DNM1: variants seen among roughly 807,000 people sequenced by gnomAD.
The protein encoded by DNM1 is dynamin-1.
Under a neutral mutation model 104.6 loss-of-function variants are expected in DNM1, and 29 were observed. The ratio of observed to expected loss-of-function variants is 0.28; its 90% CI spans 0.21 to 0.38. DNM1 has a LOEUF of 0.38. DNM1 is among the 10% of genes least tolerant of loss of function. The probability of loss-of-function intolerance (pLI) is 1.00; values close to 1 mark genes in which losing one functional copy is unlikely to be tolerated. For missense variants in DNM1, 640 were observed against 1,189.4 expected, an observed-to-expected ratio of 0.54 and a Z score of 6.79; for synonymous variants, 445 against 475.8, an observed-to-expected ratio of 0.94 and a Z score of 0.84.
Position 128,248,440 on chromosome 9 carries a change from C to A in DNM1, c.1906-143C>A. ...TAGGGTCCTGAGAGGCACAGGGATG[C>A]GGAGCCAGGTATGTATTCAGGCCAG... On this transcript the variant is annotated intron_variant, in intron 18 of 21. Transcript: ENST00000372923. The surrounding 1 kb of genome is among the most constrained non-coding windows in gnomAD (Gnocchi z 5.6). The A allele has an allele frequency of 2.3e-6, 2 of 885,740 alleles. No individual in the cohort carries two copies. The highest frequency in any genetic ancestry group is 3.4e-6 in the Non-Finnish European group (2 of 596,002). The allele number at this position is 885,740 out of a possible 1,614,324, so 54.9% of individuals were successfully genotyped here.
intron 1 of DNM1, among the ~76,000 whole-genome samples, chr9:128,214,059 A>AC (rs1344710455): frequency 6.6e-6 from 1 of 150,428 alleles, no homozygotes; most frequent in Non-Finnish European, 1.5e-5. Context: ...GCCCCTGCCC[A>AC]CCCCCCTTGC....
At position 128,220,625 on chromosome 9, in the gene DNM1, G is replaced by A. The variant is rs1020929008; in HGVS notation, c.849+284G>A. Among the ~76,000 whole-genome samples, 2 of 152,082 alleles carry A rather than the reference G, an allele frequency of 1.3e-5. No homozygotes were observed. Among genetic ancestry groups the A allele is most frequent in the African/African-American group, 2.4e-5 (1 of 41,456 alleles). On this transcript the variant is annotated intron_variant, in intron 6 of 21. Coordinates refer to ENST00000372923, the MANE Select transcript of DNM1 (RefSeq NM_004408.4). This position sits in a 1 kb window ranked among gnomAD's most constrained non-coding sequence, Gnocchi z 5.2. ...GTGTCATGGGGAAGAGCTTGGGTTT[G>A]GGGGCCAGGATTCAAGTATACTCGG...
Position 128,245,955 on chromosome 9 carries a change from G to A in DNM1, c.1672-439G>A, listed in dbSNP as rs751128621. 1.3e-5 allele frequency among the ~76,000 whole-genome samples: 2 copies of A among 152,256 alleles called. No homozygotes were observed. Among genetic ancestry groups the A allele is most frequent in the Non-Finnish European group, 2.9e-5 (2 of 68,040 alleles). ...TATTGCTAACACATGGGGAGCTCGG[G>A]GGAGTGGGCTGAGCCGGCCCTTTGA... On this transcript the variant is annotated intron_variant, in intron 15 of 21. Transcript: ENST00000372923. The surrounding 1 kb of genome is among the most constrained non-coding windows in gnomAD (Gnocchi z 5.2).
chr9:128,211,531 G>T (rs1291592995), intron 1 of DNM1, among the ~76,000 whole-genome samples: 2 of 138,652 alleles, frequency 1.4e-5, no homozygotes, highest in African/African-American at 5.6e-5. Flanking sequence ...TGTTACCCAG[G>T]CTGGTCTCAA....
In DNM1 at chr9:128,248,520, G is replaced by C; in HGVS notation, c.1906-63G>C. On this transcript the variant is annotated intron_variant, in intron 18 of 21. Transcript: ENST00000372923. This position sits in a 1 kb window ranked among gnomAD's most constrained non-coding sequence, Gnocchi z 5.6. ...GTACCCTTGGAGGGGCTGAGATCCTGGGGATGCCTGGAGCCTGGCTGCATG... is the reference window on the plus strand; with the variant it reads ...GTACCCTTGGAGGGGCTGAGATCCTCGGGATGCCTGGAGCCTGGCTGCATG... The C allele has an allele frequency of 6.3e-7, 1 of 1,578,960 alleles. No individual in the cohort carries two copies. Among genetic ancestry groups the C allele is most frequent in the African/African-American group, 1.3e-5 (1 of 74,426 alleles).
Position 128,253,266 on chromosome 9 carries a change from GCT to G in DNM1, c.2535-1385_2535-1384del. 1 of 846,746 alleles carries G rather than the reference GCT, an allele frequency of 1.2e-6. No homozygotes were observed. Among genetic ancestry groups the G allele is most frequent in the Non-Finnish European group, 1.9e-6 (1 of 531,184 alleles). The allele number at this position is 846,746 out of a possible 1,614,324, so 52.5% of individuals were successfully genotyped here. A position where few individuals can be genotyped will look rare whatever the true frequency, so the allele number is the denominator to read the frequency against. ...CCCTCCCTTCTGCAGCTGCAGACTT[GCT>G]CTTTCCTCTTTCTGTCCTTGTGCCG... On this transcript the variant is annotated intron_variant, in intron 21 of 21. Transcript: ENST00000372923. This position sits in a 1 kb window ranked among gnomAD's most constrained non-coding sequence, Gnocchi z 5.9.
Position 128,222,798 on chromosome 9 carries a change from G to A in DNM1, c.1134G>A (p.Glu378=), listed in dbSNP as rs1365194190. The change falls in exon 9 of 22, where the codon GAG becomes GAA. Residue 378 remains glutamate, a synonymous_variant. Coordinates refer to ENST00000372923, the MANE Select transcript of DNM1 (RefSeq NM_004408.4). This position sits in a 1 kb window ranked among gnomAD's most constrained non-coding sequence, Gnocchi z 7.8. The part of the protein sequence containing the change: ...ERFPFELVKM[E]FDEKELRREI... Reference sequence around the variant, plus strand: ...TTCTCTGCTTTTCTACACAGATGGAGTTTGATGAGAAGGAACTCCGAAGGG... The same window carrying A: ...TTCTCTGCTTTTCTACACAGATGGAATTTGATGAGAAGGAACTCCGAAGGG... The A allele has an allele frequency of 6.2e-7, 1 of 1,614,138 alleles. No individual in the cohort carries two copies. Among genetic ancestry groups the A allele is most frequent in the African/African-American group, 1.3e-5 (1 of 75,038 alleles).
In DNM1 at chr9:128,248,374, C is replaced by A; in HGVS notation, c.1906-209C>A. 1 of 559,784 alleles carries A rather than the reference C, an allele frequency of 1.8e-6. No individual in the cohort carries two copies. Among genetic ancestry groups the A allele is most frequent in the Non-Finnish European group, 3.1e-6 (1 of 318,086 alleles). 34.7% of individuals were successfully genotyped at this position (559,784 alleles called of 1,614,324 possible). ...TTGGGAAATTGAGGCAAATTCTAGG[C>A]ACTAGAGTCAGAACCAAGACAAGGC... On this transcript the variant is annotated intron_variant, in intron 18 of 21. Coordinates refer to ENST00000372923, the MANE Select transcript of DNM1 (RefSeq NM_004408.4). This position sits in a 1 kb window ranked among gnomAD's most constrained non-coding sequence, Gnocchi z 5.6.
At chr9:128,241,027 TC>T (rs2131257997) in intron 14 of DNM1, 1 of 152,498 alleles carries the variant, frequency 6.6e-6, no homozygotes, top group Non-Finnish European at 1.5e-5. Context: ...CCTGTGGGGA[TC>T]CTCGCCTGAT....
Position 128,243,045 on chromosome 9 carries a change from G to A in DNM1, c.1671+700G>A, listed in dbSNP as rs969985143. On this transcript the variant is annotated intron_variant, in intron 15 of 21. Coordinates refer to ENST00000372923, the MANE Select transcript of DNM1 (RefSeq NM_004408.4). This position sits in a 1 kb window ranked among gnomAD's most constrained non-coding sequence, Gnocchi z 4.0. Reference sequence around the variant, plus strand: ...ACACAAGTCTAGCTGCCAGACACCCGGTTAACCCCTGCACCCCAGTCCCCT... The same window carrying A: ...ACACAAGTCTAGCTGCCAGACACCCAGTTAACCCCTGCACCCCAGTCCCCT... Among the ~76,000 whole-genome samples, 7 of 152,124 alleles carry A rather than the reference G, an allele frequency of 4.6e-5. No homozygotes were observed. Among genetic ancestry groups the A allele is most frequent in the Non-Finnish European group, 1.0e-4 (7 of 68,000 alleles).
Position 128,218,004 on chromosome 9 carries a change from G to A in DNM1, c.162-227G>A, listed in dbSNP as rs1401798106. Among the ~76,000 whole-genome samples, 2 of 152,130 alleles carry A rather than the reference G, an allele frequency of 1.3e-5. No individual in the cohort carries two copies. The highest frequency in any genetic ancestry group is 2.9e-5 in the Non-Finnish European group (2 of 68,028). On this transcript the variant is annotated intron_variant, in intron 1 of 21. Transcript: ENST00000372923. This position sits in a 1 kb window ranked among gnomAD's most constrained non-coding sequence, Gnocchi z 4.8. Reference sequence around the variant, plus strand: ...TATCTAGGAGTTGATCCAGTCTCTTGGCAGCTCAGATGCATAAATTCTGTG... The same window carrying A: ...TATCTAGGAGTTGATCCAGTCTCTTAGCAGCTCAGATGCATAAATTCTGTG...
intron 10 of DNM1, among the ~76,000 whole-genome samples, chr9:128,227,325 A>G (rs571697811): frequency 6.7e-6 from 1 of 148,330 alleles, no homozygotes; most frequent in Non-Finnish European, 1.5e-5. Context: ...TTTACTGAGC[A>G]GTGTGTTGTG....
rs890425039 is a variant in DNM1, at chr9:128,218,836, C to T, written c.385+105C>T. ...GACTCCGCCCCTAGAATGACCCTGC[C>T]TCTGCATCATCCTATTCCAAGCTCC... On this transcript the variant is annotated intron_variant, in intron 3 of 21. Coordinates refer to ENST00000372923, the MANE Select transcript of DNM1 (RefSeq NM_004408.4). This position sits in a 1 kb window ranked among gnomAD's most constrained non-coding sequence, Gnocchi z 4.8. 3.5e-6 allele frequency: 5 copies of T among 1,417,008 alleles called. No individual in the cohort carries two copies. The highest frequency in any genetic ancestry group is 2.5e-4 in the Middle Eastern group (1 of 4,070). The allele number at this position is 1,417,008 out of a possible 1,614,324, so 87.8% of individuals were successfully genotyped here. A position where few individuals can be genotyped will look rare whatever the true frequency, so the allele number is the denominator to read the frequency against.
In DNM1 at chr9:128,223,115, C is replaced by G. The variant is rs543429890; in HGVS notation, c.1196+255C>G. 539 of 504,858 alleles carry G rather than the reference C, an allele frequency of 1.1e-3. 2 individuals are homozygous for G. The highest frequency in any genetic ancestry group is 9.9e-3 in the African/African-American group (514 of 51,696). The allele number at this position is 504,858 out of a possible 1,614,324, so 31.3% of individuals were successfully genotyped here. On this transcript the variant is annotated intron_variant, in intron 9 of 21. Transcript: ENST00000372923. ...GCGCAGGTGGCCGGGGAAACACCCT[C>G]TGGGGCTGGGCCCATCCCCAGGGTG... is the stretch of plus-strand genomic sequence containing the variant.
chr9:128,231,990 C>A (rs555902244), intron 10 of DNM1: 2 of 456,410 alleles, frequency 4.4e-6, no homozygotes, highest in South Asian at 1.5e-5. Flanking sequence ...GAAAAGCTGG[C>A]GGAACATCCT....
At chr9:128,223,224 G>A (rs1033460411) in intron 9 of DNM1, 1 of 269,252 alleles carries the variant, frequency 3.7e-6, no homozygotes, top group Non-Finnish European at 7.2e-6. Context: ...ATCTAAGTAT[G>A]AGGCTGTGTC....
chr9:128,220,488 A>C lies in DNM1; in HGVS notation c.849+147A>C. 1 of 994,214 alleles carries C rather than the reference A, an allele frequency of 1.0e-6. No individual in the cohort carries two copies. Among genetic ancestry groups the C allele is most frequent in the East Asian group, 2.6e-5 (1 of 38,052 alleles). The allele number at this position is 994,214 out of a possible 1,614,324, so 61.6% of individuals were successfully genotyped here. A position where few individuals can be genotyped will look rare whatever the true frequency, so the allele number is the denominator to read the frequency against. On this transcript the variant is annotated intron_variant, in intron 6 of 21. Transcript: ENST00000372923. The surrounding 1 kb of genome is among the most constrained non-coding windows in gnomAD (Gnocchi z 5.2). ...CTCAGAAAAGCAAAGCAACTTGCCC[A>C]CAGCCCCACAGCTAGGTAGCAGCAA...
At position 128,220,737 on chromosome 9, in the gene DNM1, G is replaced by GCA. The variant is rs1564330571; in HGVS notation, c.849+397_849+398insAC. Among the ~76,000 whole-genome samples the GCA allele has an allele frequency of 6.4e-5, 9 of 141,620 alleles. No individual in the cohort carries two copies. The highest frequency in any genetic ancestry group is 5.0e-4 in the South Asian group (2 of 4,008). The allele number at this position is 141,620 out of a possible 152,430, so 92.9% of individuals were successfully genotyped here. ...GCATCCAGAACTGAAGTGCGCGCGC[G>GCA]CGCGCGTGTGTGTGTGTGTGTGTGT... On this transcript the variant is annotated intron_variant, in intron 6 of 21. Transcript: ENST00000372923. The surrounding 1 kb of genome is among the most constrained non-coding windows in gnomAD (Gnocchi z 5.2).
intron 10 of DNM1, among the ~76,000 whole-genome samples, chr9:128,230,037 G>T (rs1835581029): frequency 6.6e-6 from 1 of 151,964 alleles, no homozygotes; most frequent in South Asian, 2.1e-4. Flanking sequence ...GGCCAACATG[G>T]TGAAACTCTG....
Sources: gnomAD v4.1 joint callset for allele counts (sites outside exome capture counted in the v4.1 genomes callset) on GRCh38, gnomAD v4.1.1 for gene constraint, Gnocchi (gnomAD v3.1) non-coding constraint, MANE v1.5 for transcripts, NCBI Gene and HGNC (gene_info 2026-07-23, HGNC 2026-07-21) for gene names.